Variants in CACNA2D3 observed in about 807,000 individuals in gnomAD.
CACNA2D3 encodes the protein calcium voltage-gated channel auxiliary subunit alpha2delta 3, also known as voltage-dependent calcium channel subunit alpha-2/delta-3.
CACNA2D3 carries 60 observed loss-of-function variants against 160.6 expected under a neutral mutation model. The observed-to-expected ratio is 0.37, with a 90% CI of 0.30 to 0.46. The LOEUF (loss-of-function observed/expected upper bound fraction) is 0.46, where lower values mean the gene tolerates loss of function less well. CACNA2D3 is among the 20% of genes least tolerant of loss of function. The pLI is 1.00. For synonymous variants in CACNA2D3, 558 were observed against 492.9 expected (o/e 1.13, Z -1.75); for missense variants, 1,205 against 1,365.0 (o/e 0.88, Z 1.85).
intron 9 of CACNA2D3, among the ~76,000 whole-genome samples, chr3:54,607,436 C>T (rs560599521): frequency 3.3e-5 from 5 of 152,214 alleles, no homozygotes; most frequent in South Asian, 2.1e-4. Flanking sequence ...ATTCTCCTGC[C>T]GATGAGGCCG....
rs192981592 is a variant in CACNA2D3 at position 54,570,336 on chromosome 3, G to A, written c.888+232G>A. On this transcript the variant is annotated intron_variant, in intron 8 of 37. Transcript: ENST00000474759. ...TCTTAACCTACCACACAGCCACACC[G>A]CCACACCATCTGAGAGAATGACACA... Among the ~76,000 whole-genome samples the A allele has an allele frequency of 6.6e-4, 101 of 152,200 alleles. 1 individual carries two copies. The highest frequency in any genetic ancestry group is 1.0e-3 in the Admixed American group (16 of 15,290).
chr3:54,972,360 CTG>C (rs1217779859), intron 29 of CACNA2D3, among the ~76,000 whole-genome samples: 1 of 152,192 alleles, frequency 6.6e-6, no homozygotes, highest in African/African-American at 2.4e-5. Context: ...CCAATTGACA[CTG>C]TTTTAAATAG....
intron 14 of CACNA2D3, among the ~76,000 whole-genome samples, chr3:54,818,599 A>G (rs1703515705): frequency 6.6e-6 from 1 of 152,220 alleles, no homozygotes; most frequent in South Asian, 2.1e-4. Flanking sequence ...CTGTCATCAT[A>G]TATTGACTCA....
At chr3:54,810,237 G>A (rs1483917110) in intron 13 of CACNA2D3, among the ~76,000 whole-genome samples, 1 of 152,160 alleles carries the variant, frequency 6.6e-6, no homozygotes, top group Admixed American at 6.5e-5. Context: ...AGATCATTCT[G>A]GGTGCCATGT....
chr3:54,730,022 T>A (rs1021389209), intron 11 of CACNA2D3, among the ~76,000 whole-genome samples: 4 of 146,446 alleles, frequency 2.7e-5, no homozygotes, highest in Admixed American at 6.9e-5. Flanking sequence ...AAAAAAAAAA[T>A]TAGTGTTTAT....
chr3:54,378,422 T>A (rs1240077578), intron 3 of CACNA2D3, among the ~76,000 whole-genome samples: 2 of 152,160 alleles, frequency 1.3e-5, no homozygotes, highest in African/African-American at 2.4e-5. Flanking sequence ...ACTCACCTCC[T>A]GCTGTGCAGC....
intron 11 of CACNA2D3, among the ~76,000 whole-genome samples, chr3:54,705,440 G>C (rs886786154): frequency 8.5e-5 from 13 of 152,136 alleles, no homozygotes; most frequent in African/African-American, 3.1e-4. Flanking sequence ...CCAGCCCCTG[G>C]TAACATGCCA....
intron 35 of CACNA2D3, among the ~76,000 whole-genome samples, chr3:55,022,777 A>G (rs1703487955): frequency 6.7e-6 from 1 of 148,512 alleles, no homozygotes; most frequent in African/African-American, 2.5e-5. Context: ...TTGCCTTTTT[A>G]CGATGTTTCA....
intron 12 of CACNA2D3, among the ~76,000 whole-genome samples, chr3:54,761,649 TC>T (rs1160458239): frequency 1.3e-5 from 2 of 152,148 alleles, no homozygotes. Flanking sequence ...TAGGCCCTGC[TC>T]CCAGGTCTCA....
intron 35 of CACNA2D3, among the ~76,000 whole-genome samples, chr3:55,026,645 G>A (rs1703569131): frequency 6.6e-6 from 1 of 152,196 alleles, no homozygotes; most frequent in Non-Finnish European, 1.5e-5. Context: ...GGAGATGAGA[G>A]AAATTGTGGT....
At chr3:54,704,180 A>G (rs1252546626) in intron 11 of CACNA2D3, among the ~76,000 whole-genome samples, 3 of 152,236 alleles carry the variant, frequency 2.0e-5, no homozygotes, top group African/African-American at 7.2e-5. Flanking sequence ...CAGGAGGGGA[A>G]AAATTACTGG....
intron 2 of CACNA2D3, among the ~76,000 whole-genome samples, chr3:54,231,808 G>T (rs941947351): frequency 6.8e-6 from 1 of 147,012 alleles, no homozygotes; most frequent in Non-Finnish European, 1.5e-5. Context: ...ATTCCATTCC[G>T]TAGAGGCAGA....
At chr3:54,284,061 C>T (rs1370538597) in intron 2 of CACNA2D3, among the ~76,000 whole-genome samples, 1 of 151,586 alleles carries the variant, frequency 6.6e-6, no homozygotes, top group Non-Finnish European at 1.5e-5. Context: ...GACTCCATCT[C>T]AAAAAACAAA....
intron 2 of CACNA2D3, among the ~76,000 whole-genome samples, chr3:54,155,794 C>T (rs947410707): frequency 5.9e-5 from 9 of 152,112 alleles, no homozygotes; most frequent in African/African-American, 2.2e-4. Flanking sequence ...GACCGTGGGG[C>T]CATTGAGGAA....
intron 11 of CACNA2D3, among the ~76,000 whole-genome samples, chr3:54,678,003 C>A (rs192264181): frequency 3.3e-4 from 50 of 151,998 alleles, no homozygotes; most frequent in African/African-American, 1.2e-3. Context: ...ACAAAAATGT[C>A]GATTATTTTA....
intron 2 of CACNA2D3, among the ~76,000 whole-genome samples, chr3:54,160,052 A>G (rs1308780234): frequency 6.6e-6 from 1 of 152,196 alleles, no homozygotes; most frequent in African/African-American, 2.4e-5. Context: ...TACTCTTCAT[A>G]TGATGATGAT....
chr3:54,690,265 C>G (rs1214929002), intron 11 of CACNA2D3, among the ~76,000 whole-genome samples: 1 of 152,166 alleles, frequency 6.6e-6, no homozygotes, highest in Non-Finnish European at 1.5e-5. Flanking sequence ...GGTTCTAAAA[C>G]TCCAAATGCT....
chr3:54,484,301 C>T (rs906262578), intron 4 of CACNA2D3, among the ~76,000 whole-genome samples: 3 of 152,186 alleles, frequency 2.0e-5, no homozygotes, highest in Non-Finnish European at 2.9e-5. Context: ...ATGACCCCCT[C>T]CCCGCGGACT....
chr3:54,485,116 A>G (rs1700995827), intron 4 of CACNA2D3, among the ~76,000 whole-genome samples: 1 of 152,156 alleles, frequency 6.6e-6, no homozygotes, highest in African/African-American at 2.4e-5. Context: ...AAGTGCTGGG[A>G]TTACAGGCAT....
Sources: allele counts gnomAD v4.1 joint callset (sites outside exome capture counted in the v4.1 genomes callset), GRCh38; gene constraint gnomAD v4.1.1; transcripts MANE v1.5; gene names NCBI Gene and HGNC (gene_info 2026-07-23, HGNC 2026-07-21).